The following CTSB variants were observed in gnomAD, a reference collection of about 807,000 sequenced individuals.
The protein encoded by CTSB is APP secretase.
In CTSB, 57 loss-of-function variants were observed where a neutral mutation model predicts 44.3. The observed-to-expected ratio is 1.29, with a 90% CI of 1.04 to 1.60. The LOEUF is 1.60. Among genes scored for constraint, CTSB ranks in the 40% most tolerant of loss-of-function variants. The probability of loss-of-function intolerance (pLI) is 0.00; values close to 1 mark genes in which losing one functional copy is unlikely to be tolerated. For synonymous variants in CTSB, 320 were observed against 168.0 expected, an observed-to-expected ratio of 1.91 and a Z score of -7.00; for missense variants, 768 against 443.0, an observed-to-expected ratio of 1.73 and a Z score of -6.59.
At chr8:11,847,004 T>G in intron 8 of CTSB, 48 bp downstream of exon 8, 2 of 904,652 alleles carry the variant, frequency 2.2e-6, no homozygotes, top group Non-Finnish European at 3.7e-6. Flanking sequence ...GCACCCAGGC[T>G]CCCCTCCCGA....
chr8:11,846,326 T>C (rs1245889262), intron 8 of CTSB: 1 of 152,354 alleles, frequency 6.6e-6, no homozygotes, highest in East Asian at 1.9e-4. Flanking sequence ...TGGAAATGCA[T>C]CTTTTAATAA....
intron 8 of CTSB, chr8:11,846,424 C>G (rs1328619381): frequency 6.6e-6 from 1 of 152,366 alleles, no homozygotes; most frequent in Non-Finnish European, 1.5e-5. Context: ...TGTTGTTTTA[C>G]AAGTTTCCAA....
chr8:11,867,743 G>A (rs1817376670), intron 1 of CTSB: 1 of 152,238 alleles, frequency 6.6e-6, no homozygotes, highest in Non-Finnish European at 1.5e-5. Flanking sequence ...CCCGGGGAGG[G>A]GAGCGGAGGG....
intron 1 of CTSB, among the ~76,000 whole-genome samples, chr8:11,859,636 T>C (rs1476336142): frequency 3.3e-5 from 5 of 151,036 alleles, no homozygotes; most frequent in Admixed American, 3.3e-4. Flanking sequence ...GGCACGGTGG[T>C]GGGTGCCTGT....
rs1812636871 is a variant in CTSB at position 11,843,483 on chromosome 8, T to G, written c.*1642A>C. On this transcript the variant is annotated 3_prime_UTR_variant, in exon 10 of 10. Coordinates refer to ENST00000353047, the MANE Select transcript of CTSB (RefSeq NM_001908.5). ...TTGCTGGTTCTTCTAGTTTGCTCTA[T>G]ACCAAGAACTGCTATAACATGTTTC... 1.3e-5 allele frequency: 2 copies of G among 152,236 alleles called. No homozygotes were observed. Among genetic ancestry groups the G allele is most frequent in the Non-Finnish European group, 2.9e-5 (2 of 68,058 alleles). The allele number at this position is 152,236 out of a possible 1,614,324, so 9.4% of individuals were successfully genotyped here.
intron 1 of CTSB, chr8:11,867,656 C>T (rs1046646307): frequency 6.6e-6 from 1 of 152,246 alleles, no homozygotes; most frequent in African/African-American, 2.4e-5. Flanking sequence ...CGGACCCGGC[C>T]GAGCTCTTCC....
At chr8:11,856,130 G>A (rs1394966902) in intron 1 of CTSB, among the ~76,000 whole-genome samples, 2 of 152,070 alleles carry the variant, frequency 1.3e-5, no homozygotes, top group Admixed American at 1.3e-4. Context: ...TGGACAGTTT[G>A]GCACTTCTTG....
At position 11,853,468 on chromosome 8, in the gene CTSB, T is replaced by A. The variant is rs1267833878; in HGVS notation, c.-14A>T. The A allele has an allele frequency of 6.2e-7, 1 of 1,609,894 alleles. No homozygotes were observed. Among genetic ancestry groups the A allele is most frequent in the East Asian group, 2.2e-5 (1 of 44,742 alleles). ...GAGCTGCCACATGTTGGAAGCCGGA[T>A]CCTAGATCCACCTGGAGAGGACAGA... On this transcript the variant is annotated 5_prime_UTR_variant, in exon 2 of 10. Transcript: ENST00000353047.
chr8:11,853,285 C>T (rs370687483), intron 2 of CTSB, 44 bp downstream of exon 2: 74 of 1,605,992 alleles, frequency 4.6e-5, no homozygotes, highest in South Asian at 2.2e-4. Flanking sequence ...GTGCACAGAC[C>T]GACCTGGGAG....
intron 2 of CTSB, 67 bp from the exon 3 acceptor site, chr8:11,852,762 A>C (rs1358120195): frequency 2.1e-6 from 3 of 1,445,526 alleles, no homozygotes; most frequent in East Asian, 2.3e-5. Context: ...CGCTGCCCAC[A>C]CACGAAGCCC....
At chr8:11,852,877 G>T (rs1325249135) in intron 2 of CTSB, among the ~76,000 whole-genome samples, 182 bp from the exon 3 acceptor site, 1 of 152,094 alleles carries the variant, frequency 6.6e-6, no homozygotes, top group South Asian at 2.1e-4. Flanking sequence ...TGTCTCCCCT[G>T]ATCTGCTCCC....
rs371314720 is a variant in CTSB at position 11,845,091 on chromosome 8, G to A, written c.*34C>T. The A allele has an allele frequency of 2.6e-5, 36 of 1,392,624 alleles. No individual in the cohort carries two copies. The highest frequency in any genetic ancestry group is 1.8e-4 in the African/African-American group (13 of 70,386). 86.3% of individuals were successfully genotyped at this position (1,392,624 alleles called of 1,614,324 possible). On this transcript the variant is annotated 3_prime_UTR_variant, in exon 10 of 10. Transcript: ENST00000353047. ...TAAAATGCATTTCTACCCCGATCTC[G>A]CCCCCAGGACTGGCACGACAGGCCC...
Position 11,845,054 on chromosome 8 carries a change from G to A in CTSB, c.*71C>T, listed in dbSNP as rs918020646. ...CCTGTCTGAAACTTGTATCTTACGT[G>A]AACTTAAAGAATAAAATGCATTTCT... is the stretch of plus-strand genomic sequence containing the variant. On this transcript the variant is annotated 3_prime_UTR_variant, in exon 10 of 10. Transcript: ENST00000353047. The A allele has an allele frequency of 9.6e-7, 1 of 1,042,374 alleles. No homozygotes were observed. The highest frequency in any genetic ancestry group is 1.8e-5 in the Admixed American group (1 of 56,208). The allele number at this position is 1,042,374 out of a possible 1,614,324, so 64.6% of individuals were successfully genotyped here.
intron 1 of CTSB, among the ~76,000 whole-genome samples, chr8:11,864,034 C>G (rs1008405186): frequency 1.3e-5 from 2 of 152,126 alleles, no homozygotes; most frequent in South Asian, 4.1e-4. Context: ...GATAAACACA[C>G]TGGGCACTTA....
At chr8:11,849,912 C>G (rs1814238636) in intron 4 of CTSB, 1 of 152,108 alleles carries the variant, frequency 6.6e-6, no homozygotes, top group Non-Finnish European at 1.5e-5. Flanking sequence ...ACACAGCTCA[C>G]CCAGAAAATA....
chr8:11,853,429 C>A lies in CTSB; in HGVS notation c.26G>T (p.Cys9Phe), dbSNP rs747391958. MWQLWASLCCLLVLANARS... is the reference protein window; with the variant it reads MWQLWASLFCLLVLANARS... The stretch of plus-strand genomic sequence containing the variant: ...GGCATTGGCCAACACCAGCAGGCAG[C>A]AGAGGGAGGCCCAGAGCTGCCACAT... The change falls in exon 2 of 10, where the codon TGC becomes TTC. Residue 9 changes from cysteine (C) to phenylalanine (F), a missense_variant. Physicochemically the swap from Cys to Phe is radical, Grantham distance 205 (BLOSUM62 -2). Coordinates refer to ENST00000353047, the MANE Select transcript of CTSB (RefSeq NM_001908.5). 2 of 1,612,232 alleles carry A rather than the reference C, an allele frequency of 1.2e-6. No individual in the cohort carries two copies. The highest frequency in any genetic ancestry group is 2.2e-5 in the South Asian group (2 of 90,950).
intron 8 of CTSB, among the ~76,000 whole-genome samples, chr8:11,846,577 C>G (rs1266879376): frequency 1.3e-5 from 2 of 152,182 alleles, no homozygotes; most frequent in Admixed American, 6.5e-5. Flanking sequence ...GCAAGGTCCT[C>G]CCTGTGTGTT....
chr8:11,855,951 C>T (rs1181049204), intron 1 of CTSB, among the ~76,000 whole-genome samples: 1 of 152,006 alleles, frequency 6.6e-6, no homozygotes, highest in East Asian at 1.9e-4. Flanking sequence ...TCACTTGAAC[C>T]CAGGAGGTGG....
chr8:11,850,894 C>G lies in CTSB; in HGVS notation c.299G>C (p.Arg100Thr), dbSNP rs1168473453. ...GCAGGAGCCACAGGAGCCCTGGTCT[C>G]TGATCTCTTTGATGGTGGGACACTG... ...WPQCPTIKEI[R>T]DQGSCGSCWA... Residue 100 changes from arginine to threonine, a missense_variant, in exon 4 of 10, where the codon AGA becomes ACA. Arg to Thr is a moderately conservative substitution (Grantham distance 71). Transcript: ENST00000353047. 1.2e-6 allele frequency: 2 copies of G among 1,613,510 alleles called. No homozygotes were observed. The highest frequency in any genetic ancestry group is 2.2e-5 in the East Asian group (1 of 44,880).
Sources: allele counts gnomAD v4.1 joint callset (sites outside exome capture counted in the v4.1 genomes callset), GRCh38; gene constraint gnomAD v4.1.1; transcripts MANE v1.5; gene names NCBI Gene and HGNC (gene_info 2026-07-23, HGNC 2026-07-21).